Variants in SERPINB3 observed in about 807,000 individuals in gnomAD.
SERPINB3 encodes serpin B3.
Under a neutral mutation model 33.0 loss-of-function variants are expected in SERPINB3, and 33 were observed. That is an observed-to-expected ratio of 1.00 (90% CI 0.76 to 1.34). SERPINB3 has a LOEUF of 1.34. SERPINB3 is among the 40% of genes most tolerant of loss of function. The pLI, the probability that SERPINB3 is intolerant of heterozygous loss-of-function variation, is 0.00. For missense variants in SERPINB3, 518 were observed against 461.5 expected, an observed-to-expected ratio of 1.12 and a Z score of -1.12; for synonymous variants, 200 against 170.9, an observed-to-expected ratio of 1.17 and a Z score of -1.33.
chr18:63,658,617 G>A lies in SERPINB3; in HGVS notation c.365C>T (p.Ala122Val), dbSNP rs543183353. The A allele has an allele frequency of 2.9e-5, 46 of 1,611,118 alleles. No homozygotes were observed. The highest frequency in any genetic ancestry group is 1.5e-4 in the African/African-American group (11 of 74,930). Residue 122 changes from alanine (A) to valine (V), a missense_variant, in exon 5 of 8, where the codon GCC (alanine) becomes GTC (valine). By Grantham distance (64) the Ala-to-Val change is moderately conservative (BLOSUM62 0). Transcript: ENST00000283752. ...TYLFLQEYLD[A>V]IKKFYQTSVE... ...ACTGGTCTGGTAAAATTTCTTGATG[G>A]CATCTAAATATTCCTTTGAGATATG...
Position 63,658,538 on chromosome 18 carries a change from G to A in SERPINB3, c.444C>T (p.Asn148=), listed in dbSNP as rs760017019. Residue 148 remains asparagine (N), a synonymous_variant, in exon 5 of 8, where the codon AAC becomes AAT. Coordinates refer to ENST00000283752, the MANE Select transcript of SERPINB3 (RefSeq NM_006919.3). ...NAPEESRKKI[N]SWVESQTNEK... Reference sequence around the variant, plus strand: ...CATTCGTTTGACTTTCCACCCAGGAGTTAATCTTCTTTCGACTTTCTTCTG... The same window carrying A: ...CATTCGTTTGACTTTCCACCCAGGAATTAATCTTCTTTCGACTTTCTTCTG... 8.7e-6 allele frequency: 14 copies of A among 1,612,714 alleles called. No individual in the cohort carries two copies. The highest frequency in any genetic ancestry group is 4.2e-6 in the Non-Finnish European group (5 of 1,179,288).
chr18:63,659,421 T>C lies in SERPINB3; in HGVS notation c.329A>G (p.Glu110Gly), dbSNP rs1913583730. ...TACCTGTAAAAATAGATACGTTTTT[T>C]CTCCGAAGAGCTTGTTGGCGATCTT... ...ELKIANKLFG[E>G]KTYLFLQEYL... The change falls in exon 4 of 8, where the codon GAA becomes GGA. Residue 110 changes from glutamate to glycine, a missense_variant. By Grantham distance (98) the Glu-to-Gly change is moderately conservative (BLOSUM62 -2). Transcript: ENST00000283752. The C allele has an allele frequency of 6.2e-7, 1 of 1,613,568 alleles. No individual in the cohort carries two copies. Among genetic ancestry groups the C allele is most frequent in the African/African-American group, 1.3e-5 (1 of 75,006 alleles).
Position 63,655,400 on chromosome 18 carries a change from A to T in SERPINB3, c.*257T>A, listed in dbSNP as rs890311661. Reference sequence around the variant, plus strand: ...TTTCAAATTTAGAAGATACGGTATTAAGTGATTCATCTTATTTTGGACATT... The same window carrying T: ...TTTCAAATTTAGAAGATACGGTATTTAGTGATTCATCTTATTTTGGACATT... On this transcript the variant is annotated 3_prime_UTR_variant, in exon 8 of 8. Transcript: ENST00000283752. 4.7e-6 allele frequency: 2 copies of T among 424,096 alleles called. No homozygotes were observed. The highest frequency in any genetic ancestry group is 4.0e-5 in the African/African-American group (2 of 50,622). 26.3% of individuals were successfully genotyped at this position (424,096 alleles called of 1,614,324 possible).
At chr18:63,657,146 T>TC (rs1488000861) in intron 6 of SERPINB3, 124 bp downstream of exon 6, 2 of 902,182 alleles carry the variant, frequency 2.2e-6, no homozygotes, top group Non-Finnish European at 3.2e-6. Flanking sequence ...AATAAAGTTA[T>TC]AAGACTAAAA....
rs150575224 is a variant in SERPINB3, at chr18:63,655,990, G to T, written c.840C>A (p.Val280=). The change falls in exon 8 of 8, where the codon GTC becomes GTA. Residue 280 remains valine (V), a synonymous_variant. Coordinates refer to ENST00000283752, the MANE Select transcript of SERPINB3 (RefSeq NM_006919.3). ...TSLQNMRETR[V]DLHLPRFKVE... The stretch of plus-strand genomic sequence containing the variant: ...CTTTGAACCGAGGTAAGTGTAAATC[G>T]ACACGTGTCTCTCTCATATTCTGCA... 3.0e-5 allele frequency: 48 copies of T among 1,613,744 alleles called. No homozygotes were observed. The African/African-American group carries it at 6.1e-4, about 21-fold the overall frequency.
At position 63,655,625 on chromosome 18, in the gene SERPINB3, A is replaced by C; in HGVS notation, c.*32T>G. 1 of 1,562,622 alleles carries C rather than the reference A, an allele frequency of 6.4e-7. No homozygotes were observed. The highest frequency in any genetic ancestry group is 1.2e-5 in the South Asian group (1 of 83,358). On this transcript the variant is annotated 3_prime_UTR_variant, in exon 8 of 8. Coordinates refer to ENST00000283752, the MANE Select transcript of SERPINB3 (RefSeq NM_006919.3). ...TTTACCAGAACATCTGCAGGTGAACATTTTCCAAATGGAGTGACAGACTAA... is the reference window on the plus strand; with the variant it reads ...TTTACCAGAACATCTGCAGGTGAACCTTTTCCAAATGGAGTGACAGACTAA...
chr18:63,656,695 G>C, intron 7 of SERPINB3, 136 bp downstream of exon 7: 2 of 1,012,082 alleles, frequency 2.0e-6, no homozygotes, highest in Non-Finnish European at 2.8e-6. Flanking sequence ...TAATATGAAG[G>C]TGAGTCATCA....
At position 63,657,390 on chromosome 18, in the gene SERPINB3, A is replaced by G; in HGVS notation, c.492T>C (p.Pro164=). Residue 164 remains proline (P), a synonymous_variant, in exon 6 of 8, where the codon CCT becomes CCC. Coordinates refer to ENST00000283752, the MANE Select transcript of SERPINB3 (RefSeq NM_006919.3). ...TGGTATTGCTGCCAATATTACCTTC[A>G]GGAATTAGGTTTTTAATTTTTTCTG... ...QTNEKIKNLI[P]EGNIGSNTTL... is the part of the protein sequence containing the mutation. 1 of 1,603,404 alleles carries G rather than the reference A, an allele frequency of 6.2e-7. No homozygotes were observed. The highest frequency in any genetic ancestry group is 8.5e-7 in the Non-Finnish European group (1 of 1,175,554).
In SERPINB3 at chr18:63,655,402, G is replaced by A. The variant is rs1047261; in HGVS notation, c.*255C>T. Reference sequence around the variant, plus strand: ...TCAAATTTAGAAGATACGGTATTAAGTGATTCATCTTATTTTGGACATTTT... The same window carrying A: ...TCAAATTTAGAAGATACGGTATTAAATGATTCATCTTATTTTGGACATTTT... On this transcript the variant is annotated 3_prime_UTR_variant, in exon 8 of 8. Coordinates refer to ENST00000283752, the MANE Select transcript of SERPINB3 (RefSeq NM_006919.3). 2 of 431,674 alleles carry A rather than the reference G, an allele frequency of 4.6e-6. No homozygotes were observed. The highest frequency in any genetic ancestry group is 3.6e-5 in the East Asian group (1 of 27,864). The allele number at this position is 431,674 out of a possible 1,614,324, so 26.7% of individuals were successfully genotyped here.
rs1467240583 is a variant in SERPINB3 at position 63,655,822 on chromosome 18, A to G, written c.1008T>C (p.Val336=). ...CTGCAGCTTCTGCTCCCTCCTCTGT[A>G]ACCTCCACAAAGGCCTTGTGTAGGA... is the stretch of plus-strand genomic sequence containing the variant. ...SGVLHKAFVE[V]TEEGAEAAAA... Residue 336 remains valine (V), a synonymous_variant, in exon 8 of 8, where the codon GTT becomes GTC. Transcript: ENST00000283752. 9 of 1,613,792 alleles carry G rather than the reference A, an allele frequency of 5.6e-6. No homozygotes were observed. The highest frequency in any genetic ancestry group is 5.9e-6 in the Non-Finnish European group (7 of 1,179,912).
chr18:63,657,367 G>A lies in SERPINB3; in HGVS notation c.515C>T (p.Thr172Ile). 1 of 1,609,076 alleles carries A rather than the reference G, an allele frequency of 6.2e-7. No homozygotes were observed. The highest frequency in any genetic ancestry group is 8.5e-7 in the Non-Finnish European group (1 of 1,176,840). The change falls in exon 6 of 8, where the codon ACC (threonine) becomes ATC (isoleucine). Residue 172 changes from threonine (T) to isoleucine (I), a missense_variant. Coordinates refer to ENST00000283752, the MANE Select transcript of SERPINB3 (RefSeq NM_006919.3). Reference sequence around the variant, plus strand: ...GATTGCGTTCACAAGAACCAATGTGGTATTGCTGCCAATATTACCTTCAGG... The same window carrying A: ...GATTGCGTTCACAAGAACCAATGTGATATTGCTGCCAATATTACCTTCAGG... ...LIPEGNIGSNTTLVLVNAIYF... is the reference protein window; with the variant it reads ...LIPEGNIGSNITLVLVNAIYF...
At position 63,655,453 on chromosome 18, in the gene SERPINB3, A is replaced by G. The variant is rs1047259; in HGVS notation, c.*204T>C. 65 of 542,656 alleles carry G rather than the reference A, an allele frequency of 1.2e-4. No individual in the cohort carries two copies. Among genetic ancestry groups the G allele is most frequent in the Admixed American group, 1.8e-4 (5 of 27,944 alleles). 33.6% of individuals were successfully genotyped at this position (542,656 alleles called of 1,614,324 possible). ...TCCTCAAGGAGAATTTTTCTGGAAG[A>G]AAAAGTACATTTATATGTGGGCTTA... On this transcript the variant is annotated 3_prime_UTR_variant, in exon 8 of 8. Transcript: ENST00000283752.
chr18:63,657,035 A>C (rs1890303461), intron 6 of SERPINB3, 49 bp from the exon 7 acceptor site: 1 of 1,490,728 alleles, frequency 6.7e-7, no homozygotes, highest in South Asian at 1.3e-5. Flanking sequence ...ACACAAGGCA[A>C]AAAGATAATA....
At chr18:63,658,443 G>T in intron 5 of SERPINB3, 70 bp downstream of exon 5, 1 of 1,293,612 alleles carries the variant, frequency 7.7e-7, no homozygotes, top group Non-Finnish European at 1.1e-6. Flanking sequence ...GGTCCCCCAT[G>T]CAGTTTCAGG....
intron 3 of SERPINB3, among the ~76,000 whole-genome samples, chr18:63,660,307 C>A (rs1395015646): frequency 6.6e-6 from 1 of 152,082 alleles, no homozygotes; most frequent in Non-Finnish European, 1.5e-5. Context: ...CTCTTTATCT[C>A]ATTAATGACT....
chr18:63,658,043 C>T (rs1292558484), intron 5 of SERPINB3, among the ~76,000 whole-genome samples: 1 of 152,066 alleles, frequency 6.6e-6, no homozygotes, highest in Non-Finnish European at 1.5e-5. Context: ...ATAATCCCTG[C>T]AGAACTTGTG....
intron 6 of SERPINB3, 88 bp downstream of exon 6, chr18:63,657,182 T>G (rs1361930620): frequency 1.4e-5 from 13 of 920,862 alleles, no homozygotes; most frequent in Non-Finnish European, 2.0e-5. Flanking sequence ...CATGAACAAT[T>G]TTATTTTTTA....
chr18:63,660,857 C>A lies in SERPINB3; in HGVS notation c.166-1G>T. On this transcript the variant is annotated splice_acceptor_variant, in intron 2 of 7. Coordinates refer to ENST00000283752, the MANE Select transcript of SERPINB3 (RefSeq NM_006919.3). LOFTEE classifies it high-confidence loss of function. The stretch of plus-strand genomic sequence containing the variant: ...CTGTGACTTGATCAAAGTGAAGAAC[C>A]TGGAAGAGACATGAAGCGGGACAAG... 6.2e-7 allele frequency: 1 copy of A among 1,613,252 alleles called. No individual in the cohort carries two copies. Among genetic ancestry groups the A allele is most frequent in the East Asian group, 2.2e-5 (1 of 44,800 alleles).
Position 63,655,623 on chromosome 18 carries a change from A to G in SERPINB3, c.*34T>C, listed in dbSNP as rs946134131. 1 of 1,561,224 alleles carries G rather than the reference A, an allele frequency of 6.4e-7. No homozygotes were observed. The highest frequency in any genetic ancestry group is 2.3e-5 in the East Asian group (1 of 44,248). On this transcript the variant is annotated 3_prime_UTR_variant, in exon 8 of 8. Coordinates refer to ENST00000283752, the MANE Select transcript of SERPINB3 (RefSeq NM_006919.3). ...AGTTTACCAGAACATCTGCAGGTGA[A>G]CATTTTCCAAATGGAGTGACAGACT...
Sources: allele counts gnomAD v4.1 joint callset (sites outside exome capture counted in the v4.1 genomes callset), GRCh38; gene constraint gnomAD v4.1.1; transcripts MANE v1.5; gene names NCBI Gene and HGNC (gene_info 2026-07-23, HGNC 2026-07-21).